The following SPOCK1 variants were observed in gnomAD, a reference collection of about 807,000 sequenced individuals.
SPOCK1 encodes SPARC (osteonectin), cwcv and kazal like domains proteoglycan 1.
In SPOCK1, 23 loss-of-function variants were observed where a neutral mutation model predicts 55.3. The ratio of observed to expected loss-of-function variants is 0.42; its 90% CI spans 0.30 to 0.59. The LOEUF (loss-of-function observed/expected upper bound fraction) is 0.59, where lower values mean the gene tolerates loss of function less well. SPOCK1 is among the 20% of genes least tolerant of loss of function. The pLI is 0.22. For missense variants in SPOCK1, 499 were observed against 552.5 expected (o/e 0.90, Z 0.97); for synonymous variants, 226 against 221.0 (o/e 1.02, Z -0.20).
chr5:137,277,580 G>A (rs891451164), intron 2 of SPOCK1, among the ~76,000 whole-genome samples: 10 of 152,160 alleles, frequency 6.6e-5, no homozygotes, highest in Middle Eastern at 3.2e-3. Flanking sequence ...GAAATGGGAG[G>A]TGACAGCACA....
intron 2 of SPOCK1, among the ~76,000 whole-genome samples, chr5:137,459,227 G>A (rs569255455): frequency 6.6e-6 from 1 of 152,252 alleles, no homozygotes; most frequent in Non-Finnish European, 1.5e-5. Flanking sequence ...AGCAGGGGAA[G>A]CATCCTCAAG....
chr5:137,219,259 G>T (rs73304888), intron 3 of SPOCK1, among the ~76,000 whole-genome samples: 1 of 152,148 alleles, frequency 6.6e-6, no homozygotes, highest in South Asian at 2.1e-4. Flanking sequence ...TGGTAAGTAA[G>T]CAGGATTCTG....
intron 2 of SPOCK1, among the ~76,000 whole-genome samples, chr5:137,362,196 G>A (rs1380093243): frequency 2.0e-5 from 3 of 152,144 alleles, no homozygotes; most frequent in Non-Finnish European, 4.4e-5. Flanking sequence ...CAAAAGTACA[G>A]AAGAAGGTCA....
chr5:137,044,822 T>G (rs1752080336), intron 6 of SPOCK1, among the ~76,000 whole-genome samples: 1 of 132,546 alleles, frequency 7.5e-6, no homozygotes, highest in East Asian at 2.3e-4. Context: ...GTCCCCAGAG[T>G]GTGATATTCC....
rs142407787 is a variant in SPOCK1 at position 137,444,297 on chromosome 5, C to T, written c.186+54076G>A. On this transcript the variant is annotated intron_variant, in intron 2 of 10. Transcript: ENST00000394945. ...TCACCTTCCCTGTGATGTCTTTCTG[C>T]TCCCTGGAGCACCCTGGCTCCTCCA... Among the ~76,000 whole-genome samples, 455 of 152,326 alleles carry T rather than the reference C, an allele frequency of 3.0e-3. 1 individual carries two copies. Among genetic ancestry groups the T allele is most frequent in the African/African-American group, 0.01 (418 of 41,556 alleles).
chr5:137,432,799 AC>A (rs1368878361), intron 2 of SPOCK1, among the ~76,000 whole-genome samples: 1 of 152,224 alleles, frequency 6.6e-6, no homozygotes, highest in East Asian at 1.9e-4. Context: ...TAAAATGATG[AC>A]CTGCATTACT....
intron 3 of SPOCK1, among the ~76,000 whole-genome samples, chr5:137,232,043 A>G (rs1756073898): frequency 6.6e-6 from 1 of 151,986 alleles, no homozygotes; most frequent in Non-Finnish European, 1.5e-5. Flanking sequence ...CTCATTTCAG[A>G]TTGGCTTGTT....
intron 2 of SPOCK1, among the ~76,000 whole-genome samples, chr5:137,335,855 C>T (rs993062224): frequency 6.6e-6 from 1 of 152,220 alleles, no homozygotes; most frequent in Middle Eastern, 3.2e-3. Flanking sequence ...AACTGAACTA[C>T]ATTATAAAGC....
intron 2 of SPOCK1, among the ~76,000 whole-genome samples, chr5:137,454,179 A>G (rs1000063127): frequency 6.6e-6 from 1 of 152,196 alleles, no homozygotes; most frequent in African/African-American, 2.4e-5. Context: ...CCCAGCTCAT[A>G]TAACTTAAGG....
intron 2 of SPOCK1, among the ~76,000 whole-genome samples, chr5:137,478,962 C>A (rs977899425): frequency 1.3e-5 from 2 of 151,916 alleles, no homozygotes; most frequent in African/African-American, 4.8e-5. Flanking sequence ...TACTCCACAC[C>A]AGGCCTCCCT....
chr5:137,433,846 C>T (rs566089403), intron 2 of SPOCK1, among the ~76,000 whole-genome samples: 1 of 151,746 alleles, frequency 6.6e-6, no homozygotes, highest in East Asian at 1.9e-4. Context: ...GGCAAGTACA[C>T]TAGCACAAAT....
intron 7 of SPOCK1, among the ~76,000 whole-genome samples, chr5:136,989,436 G>C (rs1414273862): frequency 6.6e-6 from 1 of 152,160 alleles, no homozygotes; most frequent in Non-Finnish European, 1.5e-5. Flanking sequence ...GCAATCTCAG[G>C]TTATTCCATA....
intron 2 of SPOCK1, among the ~76,000 whole-genome samples, chr5:137,369,967 T>C (rs901364896): frequency 6.6e-6 from 1 of 152,162 alleles, no homozygotes; most frequent in Non-Finnish European, 1.5e-5. Context: ...ATTCTATCCA[T>C]AGCAACCACC....
intron 2 of SPOCK1, among the ~76,000 whole-genome samples, chr5:137,272,628 C>G (rs1756987698): frequency 6.6e-6 from 1 of 152,058 alleles, no homozygotes; most frequent in African/African-American, 2.4e-5. Flanking sequence ...TGACTTGAGG[C>G]TTCTCAGCCT....
At chr5:137,249,845 T>A (rs1196848252) in intron 3 of SPOCK1, among the ~76,000 whole-genome samples, 2 of 152,214 alleles carry the variant, frequency 1.3e-5, no homozygotes, top group African/African-American at 4.8e-5. Flanking sequence ...CAAGTAGTAT[T>A]TTTAGTACAG....
rs190887317 is a variant in SPOCK1 at position 137,272,248 on chromosome 5, A to C, written c.187-5193T>G. Among the ~76,000 whole-genome samples, 4 of 152,346 alleles carry C rather than the reference A, an allele frequency of 2.6e-5. No individual in the cohort carries two copies. In the East Asian group the frequency reaches 7.7e-4, roughly 29 times the overall value. ...AATTCAGTGCAAACTGGTTCTATTT[A>C]TCTTCACACTACTTGACTGGGGGGA... On this transcript the variant is annotated intron_variant, in intron 2 of 10. Transcript: ENST00000394945.
Position 137,290,457 on chromosome 5 carries a change from A to C in SPOCK1, c.187-23402T>G, listed in dbSNP as rs73291376. Among the ~76,000 whole-genome samples the C allele has an allele frequency of 7.0e-3, 1,066 of 152,300 alleles. 26 individuals carry two copies. The highest frequency in any genetic ancestry group is 0.024 in the African/African-American group (1,003 of 41,566). On this transcript the variant is annotated intron_variant, in intron 2 of 10. Coordinates refer to ENST00000394945, the MANE Select transcript of SPOCK1 (RefSeq NM_004598.4). ...CTTTGGAAACAAGGGAGGTGAAAGG[A>C]GTCAGGAGGAGAATACAATTAGGGG... is the stretch of plus-strand genomic sequence containing the variant.
chr5:136,991,148 G>A (rs191159603), intron 7 of SPOCK1, among the ~76,000 whole-genome samples: 3 of 152,218 alleles, frequency 2.0e-5, no homozygotes. Context: ...GAAATCTCCA[G>A]AGACTGGAGG....
chr5:137,263,511 C>T (rs768284823), intron 3 of SPOCK1, among the ~76,000 whole-genome samples: 1 of 152,212 alleles, frequency 6.6e-6, no homozygotes, highest in Non-Finnish European at 1.5e-5. Context: ...CTCTGAAGGT[C>T]CATCCGGGGG....
Sources: gnomAD v4.1 joint callset for allele counts (sites outside exome capture counted in the v4.1 genomes callset) on GRCh38, gnomAD v4.1.1 for gene constraint, MANE v1.5 for transcripts, NCBI Gene and HGNC (gene_info 2026-07-23, HGNC 2026-07-21) for gene names.